TMEM132D: variants seen among roughly 807,000 people sequenced by gnomAD.
TMEM132D encodes the protein transmembrane protein 132D, also known as mature OL transmembrane protein.
A neutral mutation model predicts 62.3 loss-of-function variants in TMEM132D; 21 were observed. The ratio of observed to expected loss-of-function variants is 0.34; its 90% CI spans 0.24 to 0.49. The LOEUF (loss-of-function observed/expected upper bound fraction) is 0.49, where lower values mean the gene tolerates loss of function less well. TMEM132D is among the 20% of genes least tolerant of loss of function. The pLI is 0.99. For missense variants in TMEM132D, 1,346 were observed against 1,402.8 expected, an observed-to-expected ratio of 0.96 and a Z score of 0.65; for synonymous variants, 621 against 575.6, an observed-to-expected ratio of 1.08 and a Z score of -1.13.
chr12:129,437,894 C>T (rs1021903271), intron 3 of TMEM132D, among the ~76,000 whole-genome samples: 1 of 146,430 alleles, frequency 6.8e-6, no homozygotes, highest in Non-Finnish European at 1.5e-5. Flanking sequence ...CCCCCAGCCC[C>T]CCTCCCCCCG....
At chr12:129,100,455 G>A (rs1362128411) in intron 5 of TMEM132D, among the ~76,000 whole-genome samples, 1 of 152,196 alleles carries the variant, frequency 6.6e-6, no homozygotes, top group African/African-American at 2.4e-5. Context: ...GGTGATCTGA[G>A]GTCAGTTCAG....
Position 129,839,655 on chromosome 12 carries a change from T to C in TMEM132D, c.79+63606A>G, listed in dbSNP as rs578227799. ...CTTAAAAAAAGACTGAGCATATTTT[T>C]AAAAACATATATGAATATAAGGAGA... On this transcript the variant is annotated intron_variant, in intron 1 of 8. Transcript: ENST00000422113. 2.6e-5 allele frequency among the ~76,000 whole-genome samples: 4 copies of C among 152,300 alleles called. No homozygotes were observed. The East Asian group carries it at 7.7e-4, about 29-fold the overall frequency.
intron 3 of TMEM132D, among the ~76,000 whole-genome samples, chr12:129,490,742 G>C (rs996419145): frequency 6.6e-5 from 10 of 150,748 alleles, no homozygotes; most frequent in Non-Finnish European, 1.0e-4. Context: ...CGTGAGCCAC[G>C]GCGCCCGGCC....
chr12:129,306,568 G>A (rs1194348675), intron 4 of TMEM132D, among the ~76,000 whole-genome samples: 1 of 152,102 alleles, frequency 6.6e-6, no homozygotes, highest in Admixed American at 6.5e-5. Flanking sequence ...GAATTCCACT[G>A]GCAAATAGGA....
At chr12:129,217,010 G>C (rs1452009715) in intron 4 of TMEM132D, among the ~76,000 whole-genome samples, 1 of 152,080 alleles carries the variant, frequency 6.6e-6, no homozygotes, top group Non-Finnish European at 1.5e-5. Flanking sequence ...TGTTGTTGTT[G>C]TTGTTCTTTT....
chr12:129,140,264 AAT>A (rs1876701315), intron 5 of TMEM132D, among the ~76,000 whole-genome samples: 1 of 151,166 alleles, frequency 6.6e-6, no homozygotes, highest in South Asian at 2.1e-4. Context: ...TGAGAAGAGG[AAT>A]ATGTTAATTT....
chr12:129,446,866 T>C (rs986906691), intron 3 of TMEM132D, among the ~76,000 whole-genome samples: 3 of 152,220 alleles, frequency 2.0e-5, no homozygotes, highest in Non-Finnish European at 4.4e-5. Context: ...TCAACTCGCC[T>C]GGCCGTGAGA....
At chr12:129,492,103 G>T (rs1387568464) in intron 3 of TMEM132D, among the ~76,000 whole-genome samples, 1 of 152,236 alleles carries the variant, frequency 6.6e-6, no homozygotes, top group Non-Finnish European at 1.5e-5. Context: ...AGGTCTAAAA[G>T]AGTGTCAGGT....
chr12:129,626,920 G>C (rs1440168548), intron 2 of TMEM132D, among the ~76,000 whole-genome samples: 1 of 152,182 alleles, frequency 6.6e-6, no homozygotes, highest in Non-Finnish European at 1.5e-5. Context: ...AGCCAAGTCA[G>C]CGTTGGCTAA....
At chr12:129,409,566 C>G (rs945558180) in intron 3 of TMEM132D, among the ~76,000 whole-genome samples, 2 of 152,174 alleles carry the variant, frequency 1.3e-5, no homozygotes, top group Non-Finnish European at 2.9e-5. Flanking sequence ...GTGAATCATT[C>G]GTGTAAATTA....
intron 3 of TMEM132D, among the ~76,000 whole-genome samples, chr12:129,406,015 C>A (rs962273303): frequency 2.6e-5 from 4 of 152,142 alleles, no homozygotes; most frequent in African/African-American, 4.8e-5. Flanking sequence ...TAATTCACTC[C>A]AAAACCTTAC....
intron 2 of TMEM132D, among the ~76,000 whole-genome samples, chr12:129,607,600 C>G (rs533436175): frequency 6.6e-6 from 1 of 152,172 alleles, no homozygotes; most frequent in Non-Finnish European, 1.5e-5. Flanking sequence ...GGCTTAGAGG[C>G]TACCACCCAG....
chr12:129,206,758 A>T (rs1416193272), intron 5 of TMEM132D, among the ~76,000 whole-genome samples: 1 of 152,232 alleles, frequency 6.6e-6, no homozygotes, highest in Non-Finnish European at 1.5e-5. Flanking sequence ...TACACCATGG[A>T]ATACTATGCA....
intron 1 of TMEM132D, among the ~76,000 whole-genome samples, chr12:129,781,388 C>T (rs78595559): frequency 0.012 from 1,865 of 152,146 alleles, 31 homozygotes; most frequent in African/African-American, 0.043. Context: ...GTACGTTAAT[C>T]GGGGTACCAT....
chr12:129,292,980 T>C (rs1455194328), intron 4 of TMEM132D, among the ~76,000 whole-genome samples: 1 of 152,094 alleles, frequency 6.6e-6, no homozygotes, highest in Non-Finnish European at 1.5e-5. Context: ...GAGATATTGG[T>C]GGATCTGTTT....
chr12:129,775,238 T>G (rs1425579303), intron 1 of TMEM132D, among the ~76,000 whole-genome samples: 3 of 152,194 alleles, frequency 2.0e-5, no homozygotes, highest in Non-Finnish European at 4.4e-5. Flanking sequence ...TTCCTTCTCT[T>G]TCCTATCCAT....
chr12:129,674,343 TAG>T (rs1457159676), intron 2 of TMEM132D, among the ~76,000 whole-genome samples: 3 of 152,206 alleles, frequency 2.0e-5, no homozygotes, highest in Admixed American at 6.5e-5. Flanking sequence ...TTCATGCACT[TAG>T]ATTTCACTTA....
chr12:129,790,259 C>T (rs1033318130), intron 1 of TMEM132D, among the ~76,000 whole-genome samples: 1 of 152,122 alleles, frequency 6.6e-6, no homozygotes, highest in Admixed American at 6.5e-5. Context: ...GCTTTGCCGT[C>T]GGTGGATGGC....
At chr12:129,339,773 C>T (rs1042390644) in intron 3 of TMEM132D, among the ~76,000 whole-genome samples, 2 of 152,152 alleles carry the variant, frequency 1.3e-5, no homozygotes, top group Non-Finnish European at 2.9e-5. Flanking sequence ...GTCTGTGGGC[C>T]TCGCCTTCTG....
Sources: allele counts gnomAD v4.1 joint callset (sites outside exome capture counted in the v4.1 genomes callset), GRCh38; gene constraint gnomAD v4.1.1; transcripts MANE v1.5; gene names NCBI Gene and HGNC (gene_info 2026-07-23, HGNC 2026-07-21).